The following KDM2A variants were observed in gnomAD, a reference collection of about 807,000 sequenced individuals.
KDM2A encodes the protein lysine demethylase 2A.
KDM2A carries 3 observed loss-of-function variants against 137.3 expected under a neutral mutation model. The observed-to-expected ratio is 0.02, with a 90% confidence interval of 0.01 to 0.06. The LOEUF is 0.06. Among genes scored for constraint, KDM2A ranks in the 10% least tolerant of loss-of-function variants. KDM2A has a pLI of 1.00. For synonymous variants in KDM2A, 512 were observed against 541.5 expected (o/e 0.95, Z 0.76); for missense variants, 738 against 1,510.6 (o/e 0.49, Z 8.48).
intron 2 of KDM2A, among the ~76,000 whole-genome samples, chr11:67,124,282 G>A (rs1197347900): frequency 6.6e-6 from 1 of 151,930 alleles, no homozygotes; most frequent in Non-Finnish European, 1.5e-5. Context: ...GGGATTACAG[G>A]TGTGAGCCAC....
At chr11:67,248,648 C>A in intron 16 of KDM2A, 1 of 359,988 alleles carries the variant, frequency 2.8e-6, no homozygotes, top group South Asian at 3.0e-5. Flanking sequence ...AGAGGAACCA[C>A]GGCTGGGCTA....
At chr11:67,169,733 TTCTCTCTC>T (rs71056181) in intron 2 of KDM2A, among the ~76,000 whole-genome samples, 14 of 92,680 alleles carry the variant, frequency 1.5e-4, no homozygotes, top group East Asian at 4.6e-4. Flanking sequence ...CTCTCTCTCC[TTCTCTCTC>T]TCTCTCTCTC....
intron 2 of KDM2A, among the ~76,000 whole-genome samples, chr11:67,163,329 A>C (rs908724596): frequency 6.6e-6 from 1 of 152,204 alleles, no homozygotes; most frequent in African/African-American, 2.4e-5. Context: ...TGAATTTCAT[A>C]AAATTTCATC....
chr11:67,229,788 T>C (rs575458226), intron 11 of KDM2A, among the ~76,000 whole-genome samples: 1 of 151,696 alleles, frequency 6.6e-6, no homozygotes. Flanking sequence ...GAGAATCACT[T>C]GAACCCGGGA....
chr11:67,193,936 G>A (rs962072399), intron 5 of KDM2A, among the ~76,000 whole-genome samples: 1 of 152,128 alleles, frequency 6.6e-6, no homozygotes, highest in African/African-American at 2.4e-5. Flanking sequence ...TCTAGCCCCA[G>A]GCCTCAAGCT....
intron 5 of KDM2A, among the ~76,000 whole-genome samples, chr11:67,190,576 A>G (rs1011298127): frequency 1.3e-5 from 2 of 151,740 alleles, no homozygotes; most frequent in Non-Finnish European, 2.9e-5. Flanking sequence ...CCTGGGCAAC[A>G]TGGTGAAACC....
intron 5 of KDM2A, chr11:67,197,213 ACCC>A (rs1857504833): frequency 6.7e-6 from 1 of 150,324 alleles, no homozygotes; most frequent in Non-Finnish European, 1.5e-5. Flanking sequence ...TTGCTTTGTC[ACCC>A]AGGCTGGAGT....
chr11:67,209,370 T>C (rs1171480114), intron 6 of KDM2A, among the ~76,000 whole-genome samples: 1 of 151,978 alleles, frequency 6.6e-6, no homozygotes, highest in Non-Finnish European at 1.5e-5. Context: ...GGATGGGATG[T>C]AAGAATTCCA....
chr11:67,217,485 C>G (rs192918750), intron 8 of KDM2A: 1 of 485,406 alleles, frequency 2.1e-6, no homozygotes, highest in East Asian at 3.9e-5. Context: ...CTCTTCTCTC[C>G]GAGTCCTGGA....
chr11:67,212,528 A>G (rs1429647936), intron 6 of KDM2A, among the ~76,000 whole-genome samples: 1 of 152,236 alleles, frequency 6.6e-6, no homozygotes, highest in East Asian at 1.9e-4. Context: ...TGAATAGACT[A>G]GGTTCATGAT....
chr11:67,201,218 A>ATGTGTGTGTGTGTGTG (rs61320277), intron 5 of KDM2A, among the ~76,000 whole-genome samples: 12 of 145,538 alleles, frequency 8.2e-5, no homozygotes. Flanking sequence ...ATATATATAT[A>ATGTGTGTGTGTGTGTG]TGTGTGTGTG....
intron 2 of KDM2A, among the ~76,000 whole-genome samples, chr11:67,151,164 A>G (rs1338250561): frequency 6.6e-6 from 1 of 152,092 alleles, no homozygotes; most frequent in Non-Finnish European, 1.5e-5. Context: ...TAGGAGATAC[A>G]CATACATATA....
chr11:67,187,171 G>GA (rs1199966029), intron 5 of KDM2A, among the ~76,000 whole-genome samples: 4 of 152,154 alleles, frequency 2.6e-5, no homozygotes, highest in Non-Finnish European at 5.9e-5. Flanking sequence ...AAGGAAATGA[G>GA]AAAGGAATTT....
intron 2 of KDM2A, among the ~76,000 whole-genome samples, chr11:67,140,202 C>A (rs924806918): frequency 1.3e-5 from 2 of 151,740 alleles, no homozygotes; most frequent in Non-Finnish European, 2.9e-5. Flanking sequence ...CCCGTCTCTC[C>A]AAAAAATACA....
At chr11:67,248,029 A>C (rs1303397145) in intron 15 of KDM2A, among the ~76,000 whole-genome samples, 1 of 152,226 alleles carries the variant, frequency 6.6e-6, no homozygotes, top group Non-Finnish European at 1.5e-5. Context: ...ATATCAGCCA[A>C]CATTTTACAG....
intron 2 of KDM2A, among the ~76,000 whole-genome samples, chr11:67,127,041 G>A (rs1855746791): frequency 6.6e-6 from 1 of 152,200 alleles, no homozygotes; most frequent in African/African-American, 2.4e-5. Context: ...GGGAGGGATA[G>A]AAGCTTCCTT....
chr11:67,120,822 A>G (rs938873644), intron 1 of KDM2A, among the ~76,000 whole-genome samples: 1 of 151,866 alleles, frequency 6.6e-6, no homozygotes, highest in African/African-American at 2.4e-5. Flanking sequence ...TTAGTTTCTG[A>G]TTACCGGTGA....
At chr11:67,129,758 A>G (rs1017695093) in intron 2 of KDM2A, among the ~76,000 whole-genome samples, 7 of 149,688 alleles carry the variant, frequency 4.7e-5, no homozygotes, top group African/African-American at 1.7e-4. Flanking sequence ...AAAGAAAAAG[A>G]AAAATAGCCG....
chr11:67,134,768 G>T (rs1364103497), intron 2 of KDM2A, among the ~76,000 whole-genome samples: 1 of 152,170 alleles, frequency 6.6e-6, no homozygotes. Flanking sequence ...GCCTCTCAAA[G>T]TGCTGGGATT....
Sources: allele counts gnomAD v4.1 joint callset (sites outside exome capture counted in the v4.1 genomes callset), GRCh38; gene constraint gnomAD v4.1.1; transcripts MANE v1.5; gene names NCBI Gene and HGNC (gene_info 2026-07-23, HGNC 2026-07-21).